Variants in CDKAL1 observed in about 807,000 individuals in gnomAD.
CDKAL1 encodes the protein threonylcarbamoyladenosine tRNA methylthiotransferase.
A neutral mutation model predicts 68.2 loss-of-function variants in CDKAL1; 32 were observed. The ratio of observed to expected loss-of-function variants is 0.47; its 90% confidence interval spans 0.35 to 0.63. The LOEUF (loss-of-function observed/expected upper bound fraction) is 0.63. Ranked by LOEUF, CDKAL1 falls within the 30% of genes least tolerant of loss-of-function variation. The pLI is 0.00. For synonymous variants in CDKAL1, 234 were observed against 244.3 expected, an observed-to-expected ratio of 0.96 and a Z score of 0.39; for missense variants, 606 against 696.7, an observed-to-expected ratio of 0.87 and a Z score of 1.47.
chr6:20,618,603 C>T (rs548465725), intron 4 of CDKAL1, among the ~76,000 whole-genome samples: 25 of 152,202 alleles, frequency 1.6e-4, no homozygotes, highest in South Asian at 1.2e-3. Flanking sequence ...TGAGAATAAG[C>T]GTGTCCAGGC....
intron 6 of CDKAL1, among the ~76,000 whole-genome samples, chr6:20,749,419 T>C (rs550873846): frequency 2.0e-5 from 3 of 152,322 alleles, no homozygotes; most frequent in African/African-American, 7.2e-5. Context: ...TGCCGGAGGT[T>C]CGCATTGATG....
intron 4 of CDKAL1, among the ~76,000 whole-genome samples, chr6:20,583,196 A>G (rs1240569589): frequency 6.6e-6 from 1 of 152,170 alleles, no homozygotes; most frequent in Non-Finnish European, 1.5e-5. Flanking sequence ...TCACCACTGC[A>G]TACTGCTTTG....
chr6:20,585,019 C>T (rs556832848), intron 4 of CDKAL1, among the ~76,000 whole-genome samples: 1 of 151,062 alleles, frequency 6.6e-6, no homozygotes, highest in Admixed American at 6.6e-5. Context: ...TATCATCAAA[C>T]ATTCTGTGAT....
chr6:21,117,789 C>T (rs962142598), intron 13 of CDKAL1, among the ~76,000 whole-genome samples: 3 of 152,112 alleles, frequency 2.0e-5, no homozygotes, highest in Non-Finnish European at 4.4e-5. Flanking sequence ...GAATGAAATA[C>T]AAAATGATTG....
intron 9 of CDKAL1, among the ~76,000 whole-genome samples, chr6:20,934,985 T>C (rs1763636295): frequency 6.6e-6 from 1 of 150,610 alleles, no homozygotes; most frequent in Non-Finnish European, 1.5e-5. Flanking sequence ...AACCTCTGGC[T>C]ACTGGGTTCA....
chr6:20,597,549 G>A (rs1765887164), intron 4 of CDKAL1, among the ~76,000 whole-genome samples: 2 of 152,098 alleles, frequency 1.3e-5, no homozygotes, highest in East Asian at 3.9e-4. Flanking sequence ...TGAATAGCTG[G>A]GATTACAGGT....
intron 7 of CDKAL1, among the ~76,000 whole-genome samples, chr6:20,778,304 C>T (rs1775263501): frequency 6.6e-6 from 1 of 152,084 alleles, no homozygotes; most frequent in African/African-American, 2.4e-5. Flanking sequence ...ATTGAAAAAA[C>T]ATTTACTTTT....
chr6:20,642,477 G>GAAAAAAAAAA (rs70990055), intron 4 of CDKAL1, among the ~76,000 whole-genome samples: 1 of 117,832 alleles, frequency 8.5e-6, no homozygotes, highest in Admixed American at 9.0e-5. Flanking sequence ...ATGAAAAACA[G>GAAAAAAAAAA]AAAAAAAAAA....
intron 4 of CDKAL1, among the ~76,000 whole-genome samples, chr6:20,564,122 A>G (rs1050673263): frequency 6.6e-6 from 1 of 152,218 alleles, no homozygotes; most frequent in Admixed American, 6.5e-5. Context: ...TATAAGTTTA[A>G]AAATAGCCTG....
intron 12 of CDKAL1, among the ~76,000 whole-genome samples, chr6:21,090,322 C>CAT (rs1361787090): frequency 6.6e-6 from 1 of 152,156 alleles, no homozygotes; most frequent in Non-Finnish European, 1.5e-5. Flanking sequence ...AGATGGTGTG[C>CAT]ATATCAAGGC....
intron 4 of CDKAL1, among the ~76,000 whole-genome samples, chr6:20,631,819 A>T (rs1345340817): frequency 3.9e-5 from 6 of 152,182 alleles, no homozygotes; most frequent in Admixed American, 3.9e-4. Flanking sequence ...AGGCTTGGGG[A>T]AGAAGACTTA....
intron 15 of CDKAL1, among the ~76,000 whole-genome samples, chr6:21,207,607 TTTGAATC>T (rs1778989397): frequency 6.6e-6 from 1 of 152,328 alleles, no homozygotes; most frequent in African/African-American, 2.4e-5. Flanking sequence ...ATTACCCAGG[TTTGAATC>T]TTGATTCTAC....
At chr6:20,777,955 G>C (rs1191866572) in intron 7 of CDKAL1, among the ~76,000 whole-genome samples, 2 of 152,222 alleles carry the variant, frequency 1.3e-5, no homozygotes, top group Non-Finnish European at 2.9e-5. Context: ...ATACTGTACT[G>C]TGGGTAACTG....
At chr6:20,911,797 C>CTGTGTTATTATT (rs1185770152) in intron 9 of CDKAL1, among the ~76,000 whole-genome samples, 3 of 152,158 alleles carry the variant, frequency 2.0e-5, no homozygotes, top group African/African-American at 7.2e-5. Flanking sequence ...GACTTTTATT[C>CTGTGTTATTATT]CTTTGGATTT....
At position 20,614,649 on chromosome 6, in the gene CDKAL1, CT is replaced by C. The variant is rs532979617; in HGVS notation, c.287-34637del. 1.9e-3 allele frequency among the ~76,000 whole-genome samples: 289 copies of C among 152,258 alleles called. 1 individual carries two copies. The highest frequency in any genetic ancestry group is 6.4e-3 in the African/African-American group (265 of 41,556). The stretch of plus-strand genomic sequence containing the variant: ...CACAGATTCAGTAATTAAGATTTAT[CT>C]TTTTTTCCTTTTACTTATGTTTTTG... On this transcript the variant is annotated intron_variant, in intron 4 of 15. Coordinates refer to ENST00000274695, the MANE Select transcript of CDKAL1 (RefSeq NM_017774.3).
chr6:20,778,171 A>G (rs1775256352), intron 7 of CDKAL1, among the ~76,000 whole-genome samples: 1 of 152,208 alleles, frequency 6.6e-6, no homozygotes, highest in African/African-American at 2.4e-5. Context: ...CAGAAACAAT[A>G]AAACATGTGG....
intron 11 of CDKAL1, among the ~76,000 whole-genome samples, chr6:21,001,634 A>G (rs139290900): frequency 6.6e-6 from 1 of 152,356 alleles, no homozygotes; most frequent in Non-Finnish European, 1.5e-5. Flanking sequence ...ATACTTTCAA[A>G]TCTTGAACAG....
Position 20,555,747 on chromosome 6 carries a change from C to T in CDKAL1, c.286+7042C>T, listed in dbSNP as rs942194558. 5.3e-5 allele frequency among the ~76,000 whole-genome samples: 8 copies of T among 151,380 alleles called. No individual in the cohort carries two copies. The South Asian group carries it at 1.5e-3, about 28-fold the overall frequency. ...ACACCATTCTCCTGCCTCAGCCTCC[C>T]GAGTAGCTGGGACTACAGGCACCCG... On this transcript the variant is annotated intron_variant, in intron 4 of 15. Transcript: ENST00000274695.
At chr6:21,068,752 G>C (rs1054749101) in intron 12 of CDKAL1, among the ~76,000 whole-genome samples, 4 of 152,114 alleles carry the variant, frequency 2.6e-5, no homozygotes, top group African/African-American at 4.8e-5. Flanking sequence ...CAAAAATCCT[G>C]CTGGAATTTT....
Sources: gnomAD v4.1 joint callset for allele counts (sites outside exome capture counted in the v4.1 genomes callset) on GRCh38, gnomAD v4.1.1 for gene constraint, MANE v1.5 for transcripts, NCBI Gene and HGNC (gene_info 2026-07-23, HGNC 2026-07-21) for gene names.